The following SPATA6L variants were observed in gnomAD, a reference collection of about 807,000 sequenced individuals.
The protein encoded by SPATA6L is spermatogenesis associated 6 like.
A neutral mutation model predicts 49.2 loss-of-function variants in SPATA6L; 68 were observed. The ratio of observed to expected loss-of-function variants is 1.38; its 90% CI spans 1.14 to 1.69. SPATA6L has a LOEUF of 1.69. SPATA6L is among the 40% of genes most tolerant of loss of function. The pLI is 0.00. For missense variants in SPATA6L, 668 were observed against 464.3 expected, an observed-to-expected ratio of 1.44 and a Z score of -4.03; for synonymous variants, 198 against 165.7, an observed-to-expected ratio of 1.19 and a Z score of -1.50.
chr9:4,606,003 C>A (rs910196468), intron 9 of SPATA6L, among the ~76,000 whole-genome samples: 1 of 152,132 alleles, frequency 6.6e-6, no homozygotes, highest in Non-Finnish European at 1.5e-5. Context: ...ACTCGGGAAG[C>A]GCAAGGGGTC....
intron 4 of SPATA6L, chr9:4,633,354 C>T (rs747379815): frequency 6.5e-6 from 1 of 153,106 alleles, no homozygotes; most frequent in Non-Finnish European, 1.5e-5. Flanking sequence ...TCTGACCATT[C>T]TCAACTTGGT....
At chr9:4,628,895 A>G in intron 5 of SPATA6L, 196 bp downstream of exon 5, 1 of 535,376 alleles carries the variant, frequency 1.9e-6, no homozygotes, top group Non-Finnish European at 3.3e-6. Context: ...TGCCAAACGT[A>G]TGTACCAAAC....
In SPATA6L at chr9:4,600,660, C is replaced by A. The variant is rs1294223606; in HGVS notation, c.*151G>T. On this transcript the variant is annotated 3_prime_UTR_variant, in exon 12 of 12. Coordinates refer to ENST00000682582, the MANE Select transcript of SPATA6L (RefSeq NM_001353486.2). The stretch of plus-strand genomic sequence containing the variant: ...TTAATCAACAACTCTTACCTGGGCA[C>A]AAAAGACTGAGTACAGGGTTTGGTT... The A allele has an allele frequency of 6.6e-6, 1 of 152,148 alleles. No individual in the cohort carries two copies. The highest frequency in any genetic ancestry group is 1.5e-5 in the Non-Finnish European group (1 of 68,026). The allele number at this position is 152,148 out of a possible 1,614,324, so 9.4% of individuals were successfully genotyped here.
At chr9:4,643,653 A>G (rs73393857) in intron 3 of SPATA6L, among the ~76,000 whole-genome samples, 13,726 of 152,264 alleles carry the variant, frequency 0.09, 1,159 homozygotes, top group African/African-American at 0.21. Flanking sequence ...TGGAAATACT[A>G]TTTATAGACC....
chr9:4,611,549 C>G (rs1004412654), intron 9 of SPATA6L, among the ~76,000 whole-genome samples: 2 of 146,760 alleles, frequency 1.4e-5, no homozygotes, highest in African/African-American at 5.3e-5. Context: ...ATCGCAAGAA[C>G]AAAAAACCAA....
At position 4,599,754 on chromosome 9, in the gene SPATA6L, C is replaced by A. The variant is rs1822778168; in HGVS notation, c.*1057G>T. 6.6e-6 allele frequency among the ~76,000 whole-genome samples: 1 copy of A among 152,226 alleles called. No homozygotes were observed. Among genetic ancestry groups the A allele is most frequent in the South Asian group, 2.1e-4 (1 of 4,834 alleles). The stretch of plus-strand genomic sequence containing the variant: ...ATCTCATTTATGAGGGGTCCACCCT[C>A]ACAACCTCATCACCTCCCAAAAGGC... On this transcript the variant is annotated 3_prime_UTR_variant, in exon 12 of 12. Transcript: ENST00000682582.
At chr9:4,657,916 A>G (rs1838678318) in intron 2 of SPATA6L, among the ~76,000 whole-genome samples, 1 of 152,140 alleles carries the variant, frequency 6.6e-6, no homozygotes, top group Non-Finnish European at 1.5e-5. Context: ...TAGGAATTTA[A>G]AGCACTGGAG....
chr9:4,628,971 T>A (rs562994079), intron 5 of SPATA6L, 120 bp downstream of exon 5: 2 of 681,254 alleles, frequency 2.9e-6, no homozygotes, highest in Non-Finnish European at 5.0e-6. Flanking sequence ...GTAAAAACTT[T>A]CCAGGTTTCT....
intron 2 of SPATA6L, among the ~76,000 whole-genome samples, chr9:4,659,810 A>G (rs529371356): frequency 3.9e-5 from 6 of 152,308 alleles, no homozygotes; most frequent in South Asian, 2.1e-4. Context: ...AAAACAGCAC[A>G]GTACTGGTAC....
At chr9:4,625,115 A>G in intron 6 of SPATA6L, 1 of 769,054 alleles carries the variant, frequency 1.3e-6, no homozygotes, top group Admixed American at 3.7e-5. Flanking sequence ...GCTGACATTT[A>G]CTGAGCAAGT....
intron 9 of SPATA6L, among the ~76,000 whole-genome samples, chr9:4,609,776 G>C (rs1441289661): frequency 6.6e-6 from 1 of 151,542 alleles, no homozygotes; most frequent in Non-Finnish European, 1.5e-5. Flanking sequence ...ATTCAACATA[G>C]TGTTGGAAGT....
intron 7 of SPATA6L, among the ~76,000 whole-genome samples, chr9:4,619,828 G>A (rs1187437056): frequency 6.6e-6 from 1 of 152,106 alleles, no homozygotes; most frequent in Non-Finnish European, 1.5e-5. Context: ...GTATGGCAAG[G>A]ATGACTAGGA....
intron 5 of SPATA6L, chr9:4,628,496 G>C (rs567096683): frequency 6.6e-6 from 1 of 151,984 alleles, no homozygotes; most frequent in East Asian, 1.9e-4. Flanking sequence ...ACCCAGGCTG[G>C]AGTGCAGTGG....
chr9:4,623,955 T>C (rs1829867641), intron 6 of SPATA6L, among the ~76,000 whole-genome samples: 1 of 152,226 alleles, frequency 6.6e-6, no homozygotes, highest in Admixed American at 6.5e-5. Context: ...GTTGTGTATT[T>C]TTTGTAGATA....
chr9:4,663,414 G>C, intron 1 of SPATA6L: 1 of 846,420 alleles, frequency 1.2e-6, no homozygotes, highest in Non-Finnish European at 1.9e-6. Flanking sequence ...TGTGCTGCTA[G>C]GCTGGAGCAC....
At chr9:4,623,311 A>T (rs747326581) in intron 6 of SPATA6L, among the ~76,000 whole-genome samples, 1 of 151,908 alleles carries the variant, frequency 6.6e-6, no homozygotes, top group Non-Finnish European at 1.5e-5. Context: ...TAATAATAAT[A>T]ATAGCAACTA....
intron 10 of SPATA6L, 46 bp downstream of exon 10, chr9:4,605,301 C>A (rs1448281348): frequency 1.4e-6 from 2 of 1,446,232 alleles, no homozygotes; most frequent in African/African-American, 2.8e-5. Context: ...TCCCTGTTCA[C>A]ATATTATTTA....
intron 5 of SPATA6L, chr9:4,627,811 A>G: frequency 1.6e-6 from 2 of 1,289,338 alleles, no homozygotes; most frequent in Middle Eastern, 4.3e-4. Context: ...AGGTGGCCCC[A>G]TGTTTACTGC....
Position 4,650,122 on chromosome 9 carries a change from C to T in SPATA6L, c.226+5919G>A, listed in dbSNP as rs61373780. On this transcript the variant is annotated intron_variant, in intron 3 of 11. Coordinates refer to ENST00000682582, the MANE Select transcript of SPATA6L (RefSeq NM_001353486.2). ...ATACTTGCTCAGTGACTACCCTAACCTATGCTACCTCTGTAGGTACTTACT... is the reference window on the plus strand; with the variant it reads ...ATACTTGCTCAGTGACTACCCTAACTTATGCTACCTCTGTAGGTACTTACT... 8.2e-3 allele frequency among the ~76,000 whole-genome samples: 1,255 copies of T among 152,312 alleles called. 12 individuals carry two copies. Among genetic ancestry groups the T allele is most frequent in the African/African-American group, 0.028 (1,173 of 41,566 alleles).
Sources: gnomAD v4.1 joint callset for allele counts (sites outside exome capture counted in the v4.1 genomes callset) on GRCh38, gnomAD v4.1.1 for gene constraint, MANE v1.5 for transcripts, NCBI Gene and HGNC (gene_info 2026-07-23, HGNC 2026-07-21) for gene names.